The following MTHFD2L variants were observed in gnomAD, a reference collection of about 807,000 sequenced individuals.
The protein encoded by MTHFD2L is bifunctional methylenetetrahydrofolate dehydrogenase/cyclohydrolase 2, mitochondrial.
MTHFD2L carries 29 observed loss-of-function variants against 34.9 expected under a neutral mutation model. The ratio of observed to expected loss-of-function variants is 0.83; its 90% CI spans 0.62 to 1.13. The LOEUF (loss-of-function observed/expected upper bound fraction) is 1.13. Among genes scored for constraint, MTHFD2L ranks in the 50% most tolerant of loss-of-function variants. The pLI, the probability that MTHFD2L is intolerant of heterozygous loss-of-function variation, is 0.00. For synonymous variants in MTHFD2L, 167 were observed against 155.7 expected (o/e 1.07, Z -0.54); for missense variants, 481 against 446.5 (o/e 1.08, Z -0.70).
At chr4:74,273,991 T>C (rs892725060) in intron 6 of MTHFD2L, among the ~76,000 whole-genome samples, 1 of 151,720 alleles carries the variant, frequency 6.6e-6, no homozygotes, top group Non-Finnish European at 1.5e-5. Flanking sequence ...TCTGAATTTC[T>C]CAGTCCTCAA....
At chr4:74,158,038 C>G (rs1475447583), upstream of MTHFD2L, 2 of 1,505,630 alleles carry the variant, frequency 1.3e-6, no homozygotes, top group African/African-American at 1.4e-5. Flanking sequence ...GCGCTACTTG[C>G]TGCCCTGCCA....
upstream of MTHFD2L, among the ~76,000 whole-genome samples, chr4:74,120,261 T>C (rs868611324): frequency 2.0e-5 from 3 of 152,180 alleles, no homozygotes; most frequent in South Asian, 4.1e-4. Context: ...AATGTTGAGG[T>C]ACAATTGTTA....
rs188706564 is a variant in MTHFD2L at position 74,294,078 on chromosome 4, C to G, written c.932-7619C>G. Among the ~76,000 whole-genome samples the G allele has an allele frequency of 4.3e-4, 66 of 152,086 alleles. No individual in the cohort carries two copies. In the East Asian group the frequency reaches 0.01, roughly 23 times the overall value. Reference sequence around the variant, plus strand: ...GAGAACTGACATGGGCCATAGAGTACTTCTTTAAAAGAGACAGTGAAACAG... The same window carrying G: ...GAGAACTGACATGGGCCATAGAGTAGTTCTTTAAAAGAGACAGTGAAACAG... On this transcript the variant is annotated intron_variant, in intron 7 of 7. Coordinates refer to ENST00000325278, the MANE Select transcript of MTHFD2L (RefSeq NM_001144978.3).
At chr4:74,253,294 TA>T (rs1743567356) in intron 6 of MTHFD2L, among the ~76,000 whole-genome samples, 1 of 152,160 alleles carries the variant, frequency 6.6e-6, no homozygotes, top group South Asian at 2.1e-4. Context: ...CATTAATAAT[TA>T]TATTTGGGGT....
intron 1 of MTHFD2L, among the ~76,000 whole-genome samples, chr4:74,138,320 GAGCTCCCAAGATGTGGCAGGC>G (rs1342817474): frequency 2.6e-5 from 4 of 151,966 alleles, no homozygotes; most frequent in Non-Finnish European, 5.9e-5. Context: ...TTTGTTGTTA[GAGCTCCCAAGATGTGGCAGGC>G]AGCTCCCAAG....
At chr4:74,143,944 A>G (rs1723432454) in intron 1 of MTHFD2L, among the ~76,000 whole-genome samples, 2 of 152,216 alleles carry the variant, frequency 1.3e-5, no homozygotes, top group South Asian at 4.1e-4. Flanking sequence ...GTTTTTGAGT[A>G]TGAAATGAAA....
At chr4:74,227,917 A>G (rs1578540976) in intron 6 of MTHFD2L, among the ~76,000 whole-genome samples, 1 of 152,248 alleles carries the variant, frequency 6.6e-6, no homozygotes, top group African/African-American at 2.4e-5. Context: ...TTTGTTTTGT[A>G]TTTGAACACA....
chr4:74,149,738 A>G (rs1723814274), intron 1 of MTHFD2L, among the ~76,000 whole-genome samples: 1 of 152,218 alleles, frequency 6.6e-6, no homozygotes, highest in East Asian at 1.9e-4. Context: ...GTTCAGGAAT[A>G]TTCTTCTTGT....
At chr4:74,193,392 T>A (rs1732910675) in intron 3 of MTHFD2L, among the ~76,000 whole-genome samples, 1 of 152,212 alleles carries the variant, frequency 6.6e-6, no homozygotes, top group Admixed American at 6.5e-5. Flanking sequence ...GTATTATAAA[T>A]CTTCTAACTC....
At chr4:74,143,366 A>G in intron 1 of MTHFD2L, 1 of 975,112 alleles carries the variant, frequency 1.0e-6, no homozygotes, top group Non-Finnish European at 1.2e-6. Context: ...TGAGAAAAAT[A>G]TTTGTGACCT....
chr4:74,154,667 G>T (rs879509171), upstream of MTHFD2L, among the ~76,000 whole-genome samples: 1 of 151,902 alleles, frequency 6.6e-6, no homozygotes, highest in Non-Finnish European at 1.5e-5. Context: ...AGAATTACAC[G>T]ATGCTCTAGG....
chr4:74,273,320 G>A (rs186732601), intron 6 of MTHFD2L, among the ~76,000 whole-genome samples: 8 of 152,246 alleles, frequency 5.3e-5, no homozygotes, highest in South Asian at 2.1e-4. Context: ...CAAGTCAGAA[G>A]GAGATGGAGA....
intron 6 of MTHFD2L, among the ~76,000 whole-genome samples, chr4:74,236,700 G>A (rs1192891794): frequency 1.3e-5 from 2 of 152,224 alleles, no homozygotes; most frequent in Non-Finnish European, 2.9e-5. Context: ...AGAGTGGTGC[G>A]TAACGCACAT....
intron 6 of MTHFD2L, among the ~76,000 whole-genome samples, chr4:74,233,010 G>T (rs1159611190): frequency 6.9e-6 from 1 of 143,968 alleles, no homozygotes; most frequent in Non-Finnish European, 1.5e-5. Context: ...TTATCGTATT[G>T]GTCTTAAGTT....
intron 1 of MTHFD2L, among the ~76,000 whole-genome samples, chr4:74,133,912 G>A (rs1407063342): frequency 6.6e-6 from 1 of 152,104 alleles, no homozygotes; most frequent in Admixed American, 6.5e-5. Context: ...CAGAGATCCT[G>A]TATGAGGATG....
intron 5 of MTHFD2L, among the ~76,000 whole-genome samples, chr4:74,221,835 AT>A (rs1369632501): frequency 2.6e-5 from 4 of 151,776 alleles, no homozygotes; most frequent in East Asian, 1.9e-4. Context: ...CATTAAAAAA[AT>A]ATTTAAGAAG....
intron 5 of MTHFD2L, chr4:74,223,944 C>A (rs1738677713): frequency 6.6e-6 from 1 of 152,044 alleles, no homozygotes; most frequent in Non-Finnish European, 1.5e-5. Flanking sequence ...CCCAAATTCC[C>A]CTGGGTTTGC....
intron 3 of MTHFD2L, among the ~76,000 whole-genome samples, chr4:74,196,432 CAG>C (rs1560474769): frequency 6.6e-6 from 1 of 151,976 alleles, no homozygotes; most frequent in African/African-American, 2.4e-5. Flanking sequence ...ATGGAACACA[CAG>C]AGAAGAGACT....
At chr4:74,264,055 T>A (rs1745003818) in intron 6 of MTHFD2L, among the ~76,000 whole-genome samples, 1 of 152,068 alleles carries the variant, frequency 6.6e-6, no homozygotes, top group Admixed American at 6.6e-5. Flanking sequence ...AGAAGGGGAC[T>A]TCCCAACCTG....
Sources: gnomAD v4.1 joint callset for allele counts (sites outside exome capture counted in the v4.1 genomes callset) on GRCh38, gnomAD v4.1.1 for gene constraint, MANE v1.5 for transcripts, NCBI Gene and HGNC (gene_info 2026-07-23, HGNC 2026-07-21) for gene names.